Variants in UTS2B observed in about 807,000 individuals in gnomAD.
UTS2B encodes urotensin 2B.
In UTS2B, 21 loss-of-function variants were observed where a neutral mutation model predicts 19.2. That is an observed-to-expected ratio of 1.09 (90% CI 0.78 to 1.58). The LOEUF (loss-of-function observed/expected upper bound fraction) is 1.58, where lower values mean the gene tolerates loss of function less well. UTS2B is among the 40% of genes most tolerant of loss of function. The pLI, the probability that UTS2B is intolerant of heterozygous loss-of-function variation, is 0.00. For synonymous variants in UTS2B, 57 were observed against 50.2 expected, an observed-to-expected ratio of 1.14 and a Z score of -0.58; for missense variants, 138 against 130.3, an observed-to-expected ratio of 1.06 and a Z score of -0.29.
chr3:191,277,819 CT>C (rs199659226), intron 6 of UTS2B, among the ~76,000 whole-genome samples: 25 of 151,204 alleles, frequency 1.7e-4, no homozygotes, highest in African/African-American at 5.6e-4. Flanking sequence ...TAAAGGTAAC[CT>C]TTTTTTTTAA....
intron 2 of UTS2B, among the ~76,000 whole-genome samples, chr3:191,317,782 G>T (rs2108610107): frequency 6.6e-6 from 1 of 152,284 alleles, no homozygotes; most frequent in South Asian, 2.1e-4. Flanking sequence ...GTTTCAGCAT[G>T]TTGGCCAGAC....
At chr3:191,293,725 T>C (rs34670047) in intron 4 of UTS2B, among the ~76,000 whole-genome samples, 58,605 of 151,482 alleles carry the variant, frequency 0.39, 11,949 homozygotes, top group East Asian at 0.64. Context: ...TTTTCAAACA[T>C]AAACATGCTA....
chr3:191,329,587 G>T, intron 1 of UTS2B: 1 of 1,407,856 alleles, frequency 7.1e-7, no homozygotes, highest in Non-Finnish European at 9.7e-7. Context: ...CGCCGCGTCC[G>T]GCGCTGCTGC....
intron 5 of UTS2B, 38 bp downstream of exon 5, chr3:191,282,049 T>C (rs2108575319): frequency 7.2e-7 from 1 of 1,395,088 alleles, no homozygotes; most frequent in Middle Eastern, 1.8e-4. Flanking sequence ...GAAGAATTAC[T>C]TACCCACCTG....
chr3:191,307,085 A>T (rs576621734), intron 3 of UTS2B, among the ~76,000 whole-genome samples: 3 of 152,360 alleles, frequency 2.0e-5, no homozygotes, highest in African/African-American at 7.2e-5. Context: ...AAAGGTTCAT[A>T]GGCAATATGT....
the UTS2B span, among the ~76,000 whole-genome samples, chr3:191,336,969 A>C: frequency 6.6e-6 from 1 of 152,252 alleles, no homozygotes; most frequent in Non-Finnish European, 1.5e-5. Context: ...ATTCAAAAAA[A>C]ATAATGTTTT....
At chr3:191,288,169 T>A (rs961517177) in intron 4 of UTS2B, among the ~76,000 whole-genome samples, 1 of 152,150 alleles carries the variant, frequency 6.6e-6, no homozygotes, top group African/African-American at 2.4e-5. Context: ...TGAATTAGAA[T>A]AATTAATATT....
At chr3:191,307,659 T>A (rs1228264256) in intron 3 of UTS2B, among the ~76,000 whole-genome samples, 1 of 152,110 alleles carries the variant, frequency 6.6e-6, no homozygotes, top group Non-Finnish European at 1.5e-5. Context: ...AGTGTTAACT[T>A]TCCTGCACTT....
At chr3:191,312,728 C>T (rs1717337150) in intron 3 of UTS2B, among the ~76,000 whole-genome samples, 1 of 152,196 alleles carries the variant, frequency 6.6e-6, no homozygotes, top group Non-Finnish European at 1.5e-5. Context: ...ACTTCCAGAA[C>T]ATGGCTGATC....
intron 2 of UTS2B, among the ~76,000 whole-genome samples, chr3:191,324,073 T>C (rs77406410): frequency 0.054 from 8,161 of 152,248 alleles, 297 homozygotes; most frequent in Non-Finnish European, 0.078. Flanking sequence ...AGCTCTGCCC[T>C]TATGAATGCA....
chr3:191,336,618 A>G, the UTS2B span, among the ~76,000 whole-genome samples: 4 of 152,258 alleles, frequency 2.6e-5, no homozygotes, highest in South Asian at 8.3e-4. Flanking sequence ...CCTTAGTTCA[A>G]TATCAGAATG....
chr3:191,282,128 C>T lies in UTS2B; in HGVS notation c.62G>A (p.Ser21Asn). The T allele has an allele frequency of 6.2e-7, 1 of 1,612,786 alleles. No individual in the cohort carries two copies. The highest frequency in any genetic ancestry group is 8.5e-7 in the Non-Finnish European group (1 of 1,179,296). ...FGLLTLLSVL[S>N]FLQSVHGRPY... ...TCGTCCATGCACAGATTGTAAAAAA[C>T]TCAACACGGATAACAAAGTTAGGAG... is the stretch of plus-strand genomic sequence containing the variant. Residue 21 changes from serine (S) to asparagine (N), a missense_variant, in exon 5 of 9, where the codon AGT becomes AAT. Coordinates refer to ENST00000340524, the MANE Select transcript of UTS2B (RefSeq NM_198152.5).
At chr3:191,345,530 C>G in the UTS2B span, among the ~76,000 whole-genome samples, 1 of 152,042 alleles carries the variant, frequency 6.6e-6, no homozygotes, top group Non-Finnish European at 1.5e-5. Context: ...AATAAGTTAC[C>G]CACTTTACTC....
At chr3:191,298,176 A>G (rs961023244) in intron 4 of UTS2B, among the ~76,000 whole-genome samples, 1 of 152,212 alleles carries the variant, frequency 6.6e-6, no homozygotes, top group Non-Finnish European at 1.5e-5. Flanking sequence ...CCAATGTCGT[A>G]CCTAGCACAA....
At position 191,267,752 on chromosome 3, in the gene UTS2B, AAGTAC is replaced by A. The variant is rs906696813; in HGVS notation, c.*659_*663del. On this transcript the variant is annotated 3_prime_UTR_variant, in exon 9 of 9. Transcript: ENST00000340524. The stretch of plus-strand genomic sequence containing the variant: ...TCTTTAACATAACATTTGTATGTAG[AAGTAC>A]AGTACATTTGTATGTAGAAGTACAG... 1 of 152,144 alleles carries A rather than the reference AAGTAC, an allele frequency of 6.6e-6. No homozygotes were observed. Among genetic ancestry groups the A allele is most frequent in the African/African-American group, 2.4e-5 (1 of 41,510 alleles). 9.4% of individuals were successfully genotyped at this position (152,144 alleles called of 1,614,324 possible).
intron 4 of UTS2B, among the ~76,000 whole-genome samples, chr3:191,283,000 G>A (rs1716430933): frequency 6.6e-6 from 1 of 152,080 alleles, no homozygotes; most frequent in South Asian, 2.1e-4. Flanking sequence ...CTCCAGTGAT[G>A]TTATAGTATA....
At chr3:191,286,586 G>A (rs1188536265) in intron 4 of UTS2B, among the ~76,000 whole-genome samples, 1 of 152,030 alleles carries the variant, frequency 6.6e-6, no homozygotes, top group Non-Finnish European at 1.5e-5. Context: ...ATGGACACAT[G>A]ATGTACCAAA....
At chr3:191,317,462 G>A (rs548493990) in intron 2 of UTS2B, among the ~76,000 whole-genome samples, 2 of 138,538 alleles carry the variant, frequency 1.4e-5, no homozygotes, top group East Asian at 2.1e-4. Context: ...GTGCAGCTGC[G>A]GGCGAAGGGC....
chr3:191,277,085 C>T (rs1025160567), intron 6 of UTS2B, among the ~76,000 whole-genome samples: 1 of 152,100 alleles, frequency 6.6e-6, no homozygotes, highest in South Asian at 2.1e-4. Context: ...GTTTTTCTAA[C>T]GTAGACCATA....
Sources: allele counts gnomAD v4.1 joint callset (sites outside exome capture counted in the v4.1 genomes callset), GRCh38; gene constraint gnomAD v4.1.1; transcripts MANE v1.5; gene names NCBI Gene and HGNC (gene_info 2026-07-23, HGNC 2026-07-21).